Variants in KAZN observed in about 807,000 individuals in gnomAD.
The protein encoded by KAZN is kazrin, periplakin interacting protein.
A neutral mutation model predicts 87.4 loss-of-function variants in KAZN; 40 were observed. The observed-to-expected ratio is 0.46, with a 90% CI of 0.36 to 0.60. The LOEUF is 0.60. KAZN is among the 20% of genes least tolerant of loss of function. The probability of loss-of-function intolerance (pLI) is 0.00; values close to 1 mark genes in which losing one functional copy is unlikely to be tolerated. For synonymous variants in KAZN, 466 were observed against 458.3 expected (o/e 1.02, Z -0.22); for missense variants, 898 against 1,073.9 (o/e 0.84, Z 2.29).
chr1:14,681,617 A>G (rs1190653533), intron 1 of KAZN, among the ~76,000 whole-genome samples: 308 of 6,522 alleles, frequency 0.047, 3 homozygotes, highest in African/African-American at 0.07. Flanking sequence ...ATATGTGTAT[A>G]TATATATATA....
intron 2 of KAZN, among the ~76,000 whole-genome samples, chr1:14,975,620 A>G (rs1281223970): frequency 6.6e-6 from 1 of 152,238 alleles, no homozygotes; most frequent in African/African-American, 2.4e-5. Context: ...TAGTCCAGGC[A>G]TGCATGGAAT....
At chr1:14,754,556 T>C (rs1343811855) in intron 1 of KAZN, among the ~76,000 whole-genome samples, 1 of 151,938 alleles carries the variant, frequency 6.6e-6, no homozygotes, top group Non-Finnish European at 1.5e-5. Flanking sequence ...TCGCTTGAAC[T>C]TGAGAAGTAG....
chr1:14,009,023 G>A (rs1290470787), intron 1 of KAZN, among the ~76,000 whole-genome samples: 1 of 152,056 alleles, frequency 6.6e-6, no homozygotes, highest in Non-Finnish European at 1.5e-5. Context: ...TATGATTTTG[G>A]CTACTCTGAG....
In KAZN at chr1:14,769,827, A is replaced by G. The variant is rs1002852233; in HGVS notation, c.226+170604A>G. 1.3e-5 allele frequency among the ~76,000 whole-genome samples: 2 copies of G among 152,226 alleles called. No individual in the cohort carries two copies. The highest frequency in any genetic ancestry group is 6.5e-5 in the Admixed American group (1 of 15,292). ...TACAGACCTGTTGGTTGCTTACAAT[A>G]TGACGGGATAGGTAGATGTTGACGA... On this transcript the variant is annotated intron_variant, in intron 1 of 14. Coordinates refer to ENST00000376030, the MANE Select transcript of KAZN (RefSeq NM_201628.3). The surrounding 1 kb of genome is among the most constrained non-coding windows in gnomAD (Gnocchi z 4.1).
intron 1 of KAZN, among the ~76,000 whole-genome samples, chr1:14,153,773 T>G: frequency 1.6e-5 from 1 of 62,096 alleles, no homozygotes; most frequent in Admixed American, 2.1e-4. Context: ...AGCAAAACTC[T>G]GTCTCAAAAA....
intron 1 of KAZN, among the ~76,000 whole-genome samples, chr1:14,897,694 A>G (rs1400261407): frequency 6.6e-6 from 1 of 152,170 alleles, no homozygotes; most frequent in Non-Finnish European, 1.5e-5. Flanking sequence ...CTGGCTTCAC[A>G]GAAAATGGCA....
At chr1:13,958,940 A>T (rs1641651538) in intron 1 of KAZN, among the ~76,000 whole-genome samples, 1 of 152,066 alleles carries the variant, frequency 6.6e-6, no homozygotes, top group Non-Finnish European at 1.5e-5. Context: ...CGCAGCTAAG[A>T]AAAGCCAGGT....
chr1:14,364,585 C>T (rs935774465), intron 2 of KAZN, among the ~76,000 whole-genome samples: 2 of 152,166 alleles, frequency 1.3e-5, no homozygotes, highest in Non-Finnish European at 2.9e-5. Context: ...AACATGACCA[C>T]CATCATTCTA....
At chr1:14,272,783 G>C (rs530187920) in intron 2 of KAZN, among the ~76,000 whole-genome samples, 1 of 152,120 alleles carries the variant, frequency 6.6e-6, no homozygotes, top group Non-Finnish European at 1.5e-5. Context: ...ACTTGAACCC[G>C]GGAGGTGGAG....
At chr1:15,110,682 G>C (rs1317750778) in intron 13 of KAZN, among the ~76,000 whole-genome samples, 1 of 152,240 alleles carries the variant, frequency 6.6e-6, no homozygotes, top group Admixed American at 6.5e-5. Flanking sequence ...CCAGGCTGCT[G>C]ACGTGGAGCC....
chr1:14,709,353 G>A (rs1239616592), intron 1 of KAZN, among the ~76,000 whole-genome samples: 1 of 152,168 alleles, frequency 6.6e-6, no homozygotes, highest in Admixed American at 6.5e-5. Flanking sequence ...GAAGAATTCA[G>A]CAAAACAGCT....
At chr1:15,058,999 G>T (rs1303554990) in intron 5 of KAZN, among the ~76,000 whole-genome samples, 1 of 151,922 alleles carries the variant, frequency 6.6e-6, no homozygotes, top group African/African-American at 2.4e-5. Context: ...TCCAGCCTGG[G>T]CAACAGAGCA....
intron 1 of KAZN, among the ~76,000 whole-genome samples, chr1:14,105,241 T>G (rs1644342642): frequency 6.6e-6 from 1 of 152,154 alleles, no homozygotes; most frequent in African/African-American, 2.4e-5. Context: ...AAAAGAAGGA[T>G]CAGGATCTGT....
chr1:14,973,734 A>G (rs1318427796), intron 2 of KAZN, among the ~76,000 whole-genome samples: 1 of 152,210 alleles, frequency 6.6e-6, no homozygotes, highest in Non-Finnish European at 1.5e-5. Flanking sequence ...GGGTGGTACA[A>G]TGAATTAAAG....
chr1:15,063,509 G>A (rs184365644), intron 6 of KAZN, 63 bp from the exon 7 acceptor site: 32 of 1,433,052 alleles, frequency 2.2e-5, no homozygotes, highest in Admixed American at 8.4e-5. Context: ...CGCACGGGCC[G>A]CCTCTGCTCT....
intron 1 of KAZN, among the ~76,000 whole-genome samples, chr1:13,913,444 G>A (rs755116743): frequency 3.3e-5 from 5 of 152,066 alleles, no homozygotes; most frequent in Non-Finnish European, 4.4e-5. Flanking sequence ...GATGGTCAGC[G>A]GCTGCTCCCC....
intron 1 of KAZN, among the ~76,000 whole-genome samples, chr1:14,145,586 C>T (rs1405180144): frequency 6.9e-6 from 1 of 145,750 alleles, no homozygotes; most frequent in African/African-American, 2.5e-5. Flanking sequence ...GACAGTATAC[C>T]TTTTTTTTTT....
chr1:14,688,178 G>T (rs917633820), intron 1 of KAZN, among the ~76,000 whole-genome samples: 3 of 152,230 alleles, frequency 2.0e-5, no homozygotes, highest in Non-Finnish European at 4.4e-5. Context: ...ACAGAGCTGG[G>T]TTACAGACAG....
chr1:14,628,020 C>T (rs1164719992), intron 1 of KAZN, among the ~76,000 whole-genome samples: 1 of 152,202 alleles, frequency 6.6e-6, no homozygotes, highest in Non-Finnish European at 1.5e-5. Context: ...CCTTCTCACC[C>T]TCTCTTTCCC....
Sources: allele counts gnomAD v4.1 joint callset (sites outside exome capture counted in the v4.1 genomes callset), GRCh38; gene constraint gnomAD v4.1.1; non-coding constraint Gnocchi (gnomAD v3.1); transcripts MANE v1.5; gene names NCBI Gene and HGNC (gene_info 2026-07-23, HGNC 2026-07-21).